The following FRMD6 variants were observed in gnomAD, a reference collection of about 807,000 sequenced individuals.
The protein encoded by FRMD6 is FERM domain containing 6.
In FRMD6, 37 loss-of-function variants were observed where a neutral mutation model predicts 73.2. The ratio of observed to expected loss-of-function variants is 0.51; its 90% CI spans 0.39 to 0.66. The LOEUF (loss-of-function observed/expected upper bound fraction) is 0.66, where lower values mean the gene tolerates loss of function less well. Ranked by LOEUF, FRMD6 falls within the 30% of genes least tolerant of loss-of-function variation. The pLI, the probability that FRMD6 is intolerant of heterozygous loss-of-function variation, is 0.00. For missense variants in FRMD6, 714 were observed against 780.5 expected (o/e 0.91, Z 1.02); for synonymous variants, 273 against 282.2 (o/e 0.97, Z 0.33).
chr14:51,420,844 C>T, the FRMD6 span, among the ~76,000 whole-genome samples: 1 of 152,158 alleles, frequency 6.6e-6, no homozygotes, highest in Non-Finnish European at 1.5e-5. Context: ...GCACAATCTC[C>T]ACTCACTGCA....
chr14:51,492,590 T>C (rs1251236930), intron 1 of FRMD6, among the ~76,000 whole-genome samples: 1 of 152,226 alleles, frequency 6.6e-6, no homozygotes, highest in Non-Finnish European at 1.5e-5. Flanking sequence ...CTTTGATGTT[T>C]GGTCTTAAGT....
At chr14:51,436,492 C>T in the FRMD6 span, 6 of 628,682 alleles carry the variant, frequency 9.5e-6, no homozygotes, top group African/African-American at 1.9e-5. Context: ...AAAATTCTCT[C>T]CAAAGAATTT....
chr14:51,455,941 G>C, the FRMD6 span, among the ~76,000 whole-genome samples: 1 of 152,168 alleles, frequency 6.6e-6, no homozygotes, highest in African/African-American at 2.4e-5. Context: ...TTAAAATTTA[G>C]GAGAAGGTCT....
intron 2 of FRMD6, among the ~76,000 whole-genome samples, chr14:51,604,901 T>G (rs1890186169): frequency 6.6e-6 from 1 of 152,186 alleles, no homozygotes; most frequent in African/African-American, 2.4e-5. Context: ...AAGTGAGCAC[T>G]GCTTACTCTT....
chr14:51,461,135 T>A, the FRMD6 span, among the ~76,000 whole-genome samples: 1 of 152,190 alleles, frequency 6.6e-6, no homozygotes, highest in South Asian at 2.1e-4. Flanking sequence ...TGTATATCTT[T>A]CCCAGAAAGA....
At chr14:51,683,038 C>T (rs1439571190) in intron 1 of FRMD6, among the ~76,000 whole-genome samples, 1 of 152,122 alleles carries the variant, frequency 6.6e-6, no homozygotes, top group East Asian at 1.9e-4. Flanking sequence ...ACCCATACAC[C>T]CATACGCACT....
chr14:51,726,456 CT>C (rs1897958667), intron 13 of FRMD6, among the ~76,000 whole-genome samples: 1 of 152,042 alleles, frequency 6.6e-6, no homozygotes, highest in African/African-American at 2.4e-5. Context: ...CTCTTTGTGT[CT>C]TGTTTTTTTC....
At chr14:51,626,446 T>C (rs1891120142) in intron 2 of FRMD6, among the ~76,000 whole-genome samples, 1 of 152,210 alleles carries the variant, frequency 6.6e-6, no homozygotes, top group Non-Finnish European at 1.5e-5. Flanking sequence ...CAGAATTTTC[T>C]AGTTTCCCTT....
At chr14:51,477,231 C>T in the FRMD6 span, among the ~76,000 whole-genome samples, 1 of 152,244 alleles carries the variant, frequency 6.6e-6, no homozygotes, top group South Asian at 2.1e-4. Context: ...AGGTTACTAA[C>T]AAGGAAATGA....
chr14:51,711,764 A>G (rs1019590741), intron 8 of FRMD6, among the ~76,000 whole-genome samples, 168 bp downstream of exon 8: 1 of 152,218 alleles, frequency 6.6e-6, no homozygotes, highest in African/African-American at 2.4e-5. Context: ...GAAGTGACTC[A>G]GCCTGATTGT....
chr14:51,436,035 C>A, the FRMD6 span: 1 of 174,312 alleles, frequency 5.7e-6, no homozygotes, highest in South Asian at 1.3e-4. Flanking sequence ...CTTCCTTAGC[C>A]ACATGGCCCC....
At chr14:51,514,242 C>G (rs1260770663) in intron 1 of FRMD6, among the ~76,000 whole-genome samples, 1 of 151,976 alleles carries the variant, frequency 6.6e-6, no homozygotes, top group East Asian at 1.9e-4. Flanking sequence ...CTCTCCTACC[C>G]CAGCACATTT....
intron 1 of FRMD6, among the ~76,000 whole-genome samples, chr14:51,674,822 C>G (rs1400682779): frequency 1.3e-5 from 2 of 152,008 alleles, no homozygotes; most frequent in Admixed American, 1.3e-4. Flanking sequence ...AACCGAACAA[C>G]CAGATGATCC....
chr14:51,571,247 C>T (rs1307577446), intron 2 of FRMD6, among the ~76,000 whole-genome samples: 2 of 152,152 alleles, frequency 1.3e-5, no homozygotes, highest in Non-Finnish European at 2.9e-5. Context: ...GGCCTGGTGG[C>T]ACACACCTGT....
chr14:51,447,381 A>G, the FRMD6 span, among the ~76,000 whole-genome samples: 3 of 152,154 alleles, frequency 2.0e-5, no homozygotes, highest in South Asian at 4.1e-4. Flanking sequence ...TGCTCCACTC[A>G]TGGGAATCAG....
chr14:51,458,545 T>C, the FRMD6 span, among the ~76,000 whole-genome samples: 764 of 152,360 alleles, frequency 5.0e-3, 3 homozygotes, highest in Non-Finnish European at 8.5e-3. Context: ...AATTCCTCAA[T>C]ACTATCTCTA....
chr14:51,671,615 A>G (rs1894009991), intron 1 of FRMD6, among the ~76,000 whole-genome samples: 1 of 152,188 alleles, frequency 6.6e-6, no homozygotes, highest in Non-Finnish European at 1.5e-5. Flanking sequence ...TTCTGCTGAA[A>G]TTGAGGCAAG....
chr14:51,594,375 C>T (rs1025359145), intron 2 of FRMD6, among the ~76,000 whole-genome samples: 4 of 150,758 alleles, frequency 2.7e-5, no homozygotes, highest in Non-Finnish European at 5.9e-5. Context: ...GTTGCCCAGG[C>T]TGGAGTGCAA....
the FRMD6 span, among the ~76,000 whole-genome samples, chr14:51,477,322 A>G: frequency 3.6e-4 from 55 of 152,332 alleles, no homozygotes; most frequent in African/African-American, 1.2e-3. Context: ...CAAGAATTCC[A>G]TGTTCACCCA....
Sources: gnomAD v4.1 joint callset for allele counts (sites outside exome capture counted in the v4.1 genomes callset) on GRCh38, gnomAD v4.1.1 for gene constraint, MANE v1.5 for transcripts, NCBI Gene and HGNC (gene_info 2026-07-23, HGNC 2026-07-21) for gene names.